The following RIPOR3 variants were observed in gnomAD, a reference collection of about 807,000 sequenced individuals.
RIPOR3 encodes family with sequence similarity 65 member C.
A neutral mutation model predicts 114.3 loss-of-function variants in RIPOR3; 95 were observed. That is an observed-to-expected ratio of 0.83 (90% CI 0.70 to 0.99). The LOEUF is 0.99. Ranked by LOEUF, RIPOR3 falls within the 50% of genes least tolerant of loss-of-function variation. The pLI, the probability that RIPOR3 is intolerant of heterozygous loss-of-function variation, is 0.00. For missense variants in RIPOR3, 1,252 were observed against 1,266.9 expected, an observed-to-expected ratio of 0.99 and a Z score of 0.18; for synonymous variants, 575 against 543.8, an observed-to-expected ratio of 1.06 and a Z score of -0.80.
intron 19 of RIPOR3, among the ~76,000 whole-genome samples, chr20:50,591,079 G>C (rs901981226): frequency 2.6e-5 from 4 of 152,110 alleles, no homozygotes; most frequent in African/African-American, 9.6e-5. Context: ...GGTCAACCTG[G>C]GATCGATCAA....
intron 4 of RIPOR3, chr20:50,614,729 T>G (rs2084099793): frequency 5.9e-6 from 1 of 169,786 alleles, no homozygotes; most frequent in Non-Finnish European, 1.5e-5. Flanking sequence ...GGGATATACT[T>G]ATACCTAAAC....
chr20:50,666,036 C>T (rs941836197), intron 1 of RIPOR3, among the ~76,000 whole-genome samples: 1 of 151,296 alleles, frequency 6.6e-6, no homozygotes, highest in Non-Finnish European at 1.5e-5. Flanking sequence ...AAGGCCCAGA[C>T]TCTGGGCCTT....
chr20:50,651,144 C>T (rs560875378), intron 1 of RIPOR3, among the ~76,000 whole-genome samples: 10 of 152,036 alleles, frequency 6.6e-5, no homozygotes, highest in African/African-American at 1.4e-4. Context: ...AGGGATTCAG[C>T]GTGAGAGAGA....
intron 1 of RIPOR3, among the ~76,000 whole-genome samples, chr20:50,631,226 A>G (rs2426180): frequency 0.084 from 12,832 of 151,998 alleles, 1,752 homozygotes; most frequent in African/African-American, 0.29. Context: ...ACACAGGTGA[A>G]CTCTGCAAGG....
In RIPOR3 at chr20:50,602,507, G is replaced by A; in HGVS notation, c.1224C>T (p.Asp408=). ...RSQSQELPEM[D]SFSSEDPRDT... is the part of the protein sequence containing the mutation. The stretch of plus-strand genomic sequence containing the variant: ...CTCGGGGGTCCTCAGAGCTGAAGGA[G>A]TCCATCTCAGGCAGCTCCTGACTCT... The change falls in exon 13 of 22, where the codon GAC becomes GAT. Residue 408 remains aspartate, a synonymous_variant. Coordinates refer to ENST00000327979, the MANE Select transcript of RIPOR3 (RefSeq NM_001290268.2). This position sits in a 1 kb window ranked among gnomAD's most constrained non-coding sequence, Gnocchi z 4.3. 1.2e-5 allele frequency: 18 copies of A among 1,563,480 alleles called. No individual in the cohort carries two copies. Among genetic ancestry groups the A allele is most frequent in the Non-Finnish European group, 1.6e-5 (18 of 1,153,102 alleles).
chr20:50,661,255 T>G (rs963556793), intron 1 of RIPOR3, among the ~76,000 whole-genome samples: 1 of 150,228 alleles, frequency 6.7e-6, no homozygotes, highest in African/African-American at 2.4e-5. Flanking sequence ...AAAAAAAAAT[T>G]GTAGGGACAC....
intron 2 of RIPOR3, among the ~76,000 whole-genome samples, chr20:50,621,993 C>T (rs1374019977): frequency 1.3e-5 from 2 of 152,174 alleles, no homozygotes; most frequent in Non-Finnish European, 2.9e-5. Context: ...AGCCTCTTCT[C>T]AGGATCCCAT....
intron 1 of RIPOR3, among the ~76,000 whole-genome samples, chr20:50,682,375 AG>A (rs1261109518): frequency 1.3e-5 from 2 of 152,220 alleles, no homozygotes; most frequent in African/African-American, 4.8e-5. Context: ...TGGGATGCTA[AG>A]GCAGGCTGAT....
At chr20:50,636,178 T>C (rs368271289) in intron 1 of RIPOR3, among the ~76,000 whole-genome samples, 75 of 152,208 alleles carry the variant, frequency 4.9e-4, no homozygotes, top group African/African-American at 7.9e-4. Context: ...CCCTGGATGA[T>C]TGGGGATGGG....
At position 50,586,114 on chromosome 20, in the gene RIPOR3, G is replaced by GT. The variant is rs923278329; in HGVS notation, c.*1117dup. 1.3e-5 allele frequency: 2 copies of GT among 158,798 alleles called. No homozygotes were observed. The highest frequency in any genetic ancestry group is 4.8e-5 in the African/African-American group (2 of 41,616). The allele number at this position is 158,798 out of a possible 1,614,324, so 9.8% of individuals were successfully genotyped here. A position where few individuals can be genotyped will look rare whatever the true frequency, so the allele number is the denominator to read the frequency against. ...AAACAACTGCTGTCTACTCTTTTGG[G>GT]TAAAAAGTGAAACACCAATAGTTTA... On this transcript the variant is annotated 3_prime_UTR_variant, in exon 22 of 22. Transcript: ENST00000327979.
At position 50,629,177 on chromosome 20, in the gene RIPOR3, C is replaced by T. The variant is rs537083911; in HGVS notation, c.122+1561G>A. Among the ~76,000 whole-genome samples the T allele has an allele frequency of 4.8e-4, 73 of 151,974 alleles. 1 individual carries two copies. The highest frequency in any genetic ancestry group is 1.0e-3 in the Admixed American group (16 of 15,286). On this transcript the variant is annotated intron_variant, in intron 2 of 21. Transcript: ENST00000327979. ...TCCCAGGGGCCTCTAGCCAGGAGGG[C>T]GCTGGGTTTATTCTAAGTAGGTTGG...
chr20:50,641,604 T>C (rs1284963045), intron 1 of RIPOR3, among the ~76,000 whole-genome samples: 7 of 152,174 alleles, frequency 4.6e-5, no homozygotes, highest in Non-Finnish European at 1.0e-4. Context: ...AGGGAAGTCA[T>C]AGCACGGCCC....
chr20:50,595,030 G>C, intron 16 of RIPOR3: 1 of 487,864 alleles, frequency 2.0e-6, no homozygotes, highest in African/African-American at 1.9e-5. Flanking sequence ...CACAGCTACT[G>C]TTTGACGGCA....
chr20:50,619,115 G>A (rs566166233), intron 3 of RIPOR3, among the ~76,000 whole-genome samples: 1 of 152,214 alleles, frequency 6.6e-6, no homozygotes, highest in South Asian at 2.1e-4. Flanking sequence ...GGTAGGCTGA[G>A]GCAAGAGCTA....
intron 2 of RIPOR3, among the ~76,000 whole-genome samples, chr20:50,628,152 C>A (rs570727933): frequency 6.6e-6 from 1 of 152,316 alleles, no homozygotes; most frequent in South Asian, 2.1e-4. Flanking sequence ...TTATACTTAA[C>A]CCCCTCTTTG....
chr20:50,635,579 T>A (rs969057106), intron 1 of RIPOR3, among the ~76,000 whole-genome samples: 1 of 149,986 alleles, frequency 6.7e-6, no homozygotes, highest in African/African-American at 2.5e-5. Flanking sequence ...ATTAGAGACC[T>A]CCCAGCAAGT....
rs16995333 is a variant in RIPOR3, at chr20:50,621,049, T to C, written c.123-917A>G. On this transcript the variant is annotated intron_variant, in intron 2 of 21. Coordinates refer to ENST00000327979, the MANE Select transcript of RIPOR3 (RefSeq NM_001290268.2). ...AGCCGAGCCAATGTCCTGGCCGCCA[T>C]GAGGAAAGCCACTGCCAGGAAAGAC... The C allele has an allele frequency of 5.5e-3, 2,559 of 466,854 alleles. 49 individuals are homozygous for C. The highest frequency in any genetic ancestry group is 0.041 in the African/African-American group (1,898 of 46,184). The allele number at this position is 466,854 out of a possible 1,614,324, so 28.9% of individuals were successfully genotyped here.
At chr20:50,607,352 TG>T (rs983504871) in intron 11 of RIPOR3, among the ~76,000 whole-genome samples, 1 of 136,520 alleles carries the variant, frequency 7.3e-6, no homozygotes, top group Non-Finnish European at 1.7e-5. Flanking sequence ...ATGCTCAGCC[TG>T]GCCCGTGATG....
chr20:50,622,181 T>C (rs1188025440), intron 2 of RIPOR3, among the ~76,000 whole-genome samples: 1 of 150,856 alleles, frequency 6.6e-6, no homozygotes, highest in African/African-American at 2.4e-5. Flanking sequence ...TGGCATCAGT[T>C]CTCTTTTTTT....
Sources: allele counts gnomAD v4.1 joint callset (sites outside exome capture counted in the v4.1 genomes callset), GRCh38; gene constraint gnomAD v4.1.1; non-coding constraint Gnocchi (gnomAD v3.1); transcripts MANE v1.5; gene names NCBI Gene and HGNC (gene_info 2026-07-23, HGNC 2026-07-21).